Variants in MAX observed in about 807,000 individuals in gnomAD.
MAX encodes the protein MYC associated transcriptional regulator X.
A neutral mutation model predicts 22.3 loss-of-function variants in MAX; 3 were observed. The observed-to-expected ratio is 0.13, with a 90% CI of 0.06 to 0.35. The LOEUF is 0.35. MAX is among the 10% of genes least tolerant of loss of function. The pLI, the probability that MAX is intolerant of heterozygous loss-of-function variation, is 1.00. For synonymous variants in MAX, 72 were observed against 77.7 expected, an observed-to-expected ratio of 0.93 and a Z score of 0.39; for missense variants, 119 against 209.4, an observed-to-expected ratio of 0.57 and a Z score of 2.66.
chr14:65,056,816 A>G (rs530228482), intron 3 of MAX, among the ~76,000 whole-genome samples: 2 of 152,220 alleles, frequency 1.3e-5, no homozygotes, highest in African/African-American at 4.8e-5. Context: ...TTGCATTGCT[A>G]TAAGAGAATA....
Position 65,043,816 on chromosome 14 carries a change from G to A in MAX, c.172-37532C>T, listed in dbSNP as rs1200100489. 8.8e-5 allele frequency among the ~76,000 whole-genome samples: 10 copies of A among 113,372 alleles called. No homozygotes were observed. In the South Asian group the frequency reaches 1.0e-3, roughly 12 times the overall value. The allele number at this position is 113,372 out of a possible 152,430, so 74.4% of individuals were successfully genotyped here. A position where few individuals can be genotyped will look rare whatever the true frequency, so the allele number is the denominator to read the frequency against. ...CGCAGTCCGGCCTGGGCGACAGAGC[G>A]AGACTCCGTCTCAAAAAAAAAAAAA... is the stretch of plus-strand genomic sequence containing the variant. On this transcript the variant is annotated intron_variant, in intron 3 of 3. Transcript: ENST00000341653.
At chr14:65,017,966 TAAATA>T (rs1226338874) in intron 3 of MAX, among the ~76,000 whole-genome samples, 2 of 151,932 alleles carry the variant, frequency 1.3e-5, no homozygotes, top group African/African-American at 4.8e-5. Flanking sequence ...AAAAAATAAA[TAAATA>T]AAATACATAA....
rs909433010 is a variant in MAX at position 65,076,118 on chromosome 14, C to G, written c.*358G>C. On this transcript the variant is annotated 3_prime_UTR_variant, in exon 5 of 5. Transcript: ENST00000358664. This position sits in a 1 kb window ranked among gnomAD's most constrained non-coding sequence, Gnocchi z 6.6. ...AGGGCAGGCGTCCCCCGGGCATGTG[C>G]CCGGCAGGGCTGGAGGAGCTGGTAG... is the stretch of plus-strand genomic sequence containing the variant. 1.3e-5 allele frequency: 17 copies of G among 1,290,702 alleles called. No individual in the cohort carries two copies. In the Admixed American group the frequency reaches 4.1e-4, roughly 31 times the overall value. The allele number at this position is 1,290,702 out of a possible 1,614,324, so 80.0% of individuals were successfully genotyped here.
At chr14:65,024,831 C>T (rs1442955468) in intron 3 of MAX, among the ~76,000 whole-genome samples, 1 of 152,142 alleles carries the variant, frequency 6.6e-6, no homozygotes, top group Non-Finnish European at 1.5e-5. Context: ...GTTGCCCAGG[C>T]TGGTCTTGAA....
chr14:65,052,679 A>G (rs2062642722), intron 3 of MAX, among the ~76,000 whole-genome samples: 1 of 152,224 alleles, frequency 6.6e-6, no homozygotes, highest in African/African-American at 2.4e-5. Flanking sequence ...GCAGGAGGGC[A>G]GTTACTAGTA....
Position 65,009,123 on chromosome 14 carries a change from G to C in MAX, c.172-2839C>G, listed in dbSNP as rs1595008965. Among the ~76,000 whole-genome samples, 1 of 152,202 alleles carries C rather than the reference G, an allele frequency of 6.6e-6. No individual in the cohort carries two copies. Among genetic ancestry groups the C allele is most frequent in the Non-Finnish European group, 1.5e-5 (1 of 68,030 alleles). On this transcript the variant is annotated intron_variant, in intron 3 of 3. Coordinates refer to the MAX transcript ENST00000341653. The surrounding 1 kb of genome is among the most constrained non-coding windows in gnomAD (Gnocchi z 4.2). The stretch of plus-strand genomic sequence containing the variant: ...CTTTCTTAACTTCCTACACAGAAAA[G>C]ATTTTTGGATAGAGGTGAGTTGAGA...
chr14:65,082,019 T>G lies in MAX; in HGVS notation c.172-3983A>C, dbSNP rs945748290. 1 of 152,220 alleles carries G rather than the reference T, an allele frequency of 6.6e-6. No homozygotes were observed. Among genetic ancestry groups the G allele is most frequent in the African/African-American group, 2.4e-5 (1 of 41,458 alleles). The allele number at this position is 152,220 out of a possible 1,614,324, so 9.4% of individuals were successfully genotyped here. A position where few individuals can be genotyped will look rare whatever the true frequency, so the allele number is the denominator to read the frequency against. On this transcript the variant is annotated intron_variant, in intron 3 of 4. Coordinates refer to ENST00000358664, the MANE Select transcript of MAX (RefSeq NM_002382.5). The surrounding 1 kb of genome is among the most constrained non-coding windows in gnomAD (Gnocchi z 4.8). ...ATGGGGGTGGTAACAATGGCAGCAC[T>G]AACACTTACTGAGTACTTACTAAGT...
chr14:65,032,856 CTTCTT>C lies in MAX; in HGVS notation c.172-26577_172-26573del, dbSNP rs1471397904. Among the ~76,000 whole-genome samples the C allele has an allele frequency of 6.6e-6, 1 of 152,130 alleles. No homozygotes were observed. Among genetic ancestry groups the C allele is most frequent in the African/African-American group, 2.4e-5 (1 of 41,426 alleles). Reference sequence around the variant, plus strand: ...TGATTTTTTTAAATACTTAAAATGTCTTCTTTTTTCCAAACTTTCTTTAATGTTAT... The same window carrying C: ...TGATTTTTTTAAATACTTAAAATGTCTTTTCCAAACTTTCTTTAATGTTAT... On this transcript the variant is annotated intron_variant, in intron 3 of 3. Coordinates refer to the MAX transcript ENST00000341653. The surrounding 1 kb of genome is among the most constrained non-coding windows in gnomAD (Gnocchi z 5.0).
In MAX at chr14:65,032,467, A is replaced by G; in HGVS notation, c.172-26183T>C. 1.3e-6 allele frequency: 1 copy of G among 740,922 alleles called. No individual in the cohort carries two copies. Among genetic ancestry groups the G allele is most frequent in the Non-Finnish European group, 2.1e-6 (1 of 481,184 alleles). 45.9% of individuals were successfully genotyped at this position (740,922 alleles called of 1,614,324 possible). ...TGTCACACCTCTCAGTTGGAGACCCAGGAGGACTGACCGTGTGCCAAGAGT... is the reference window on the plus strand; with the variant it reads ...TGTCACACCTCTCAGTTGGAGACCCGGGAGGACTGACCGTGTGCCAAGAGT... On this transcript the variant is annotated intron_variant, in intron 3 of 3. Transcript: ENST00000341653. The surrounding 1 kb of genome is among the most constrained non-coding windows in gnomAD (Gnocchi z 5.0).
Position 65,075,797 on chromosome 14 carries a change from C to T in MAX, c.*679G>A, listed in dbSNP as rs921242081. The T allele has an allele frequency of 1.7e-5, 18 of 1,063,174 alleles. No individual in the cohort carries two copies. The highest frequency in any genetic ancestry group is 9.8e-5 in the African/African-American group (6 of 61,088). The allele number at this position is 1,063,174 out of a possible 1,614,324, so 65.9% of individuals were successfully genotyped here. A position where few individuals can be genotyped will look rare whatever the true frequency, so the allele number is the denominator to read the frequency against. On this transcript the variant is annotated 3_prime_UTR_variant, in exon 5 of 5. Transcript: ENST00000358664. The surrounding 1 kb of genome is among the most constrained non-coding windows in gnomAD (Gnocchi z 4.1). Reference sequence around the variant, plus strand: ...ACCACGAGAGTGTCACACGGCCCTCCGTGAGGCTGGCGCCGCAGGCTTAAA... The same window carrying T: ...ACCACGAGAGTGTCACACGGCCCTCTGTGAGGCTGGCGCCGCAGGCTTAAA...
Position 65,023,416 on chromosome 14 carries a change from A to T in MAX, c.172-17132T>A, listed in dbSNP as rs1397095544. Among the ~76,000 whole-genome samples the T allele has an allele frequency of 6.6e-6, 1 of 152,214 alleles. No individual in the cohort carries two copies. Among genetic ancestry groups the T allele is most frequent in the Non-Finnish European group, 1.5e-5 (1 of 68,028 alleles). On this transcript the variant is annotated intron_variant, in intron 3 of 3. Coordinates refer to the MAX transcript ENST00000341653. This position sits in a 1 kb window ranked among gnomAD's most constrained non-coding sequence, Gnocchi z 4.1. Reference sequence around the variant, plus strand: ...CCTAAGAGTCCCAAGTAAACTCCTTATAAGGCTGAGAGGCAATCGCTGATA... The same window carrying T: ...CCTAAGAGTCCCAAGTAAACTCCTTTTAAGGCTGAGAGGCAATCGCTGATA...
chr14:65,068,867 A>T (rs1242121111), intron 3 of MAX, among the ~76,000 whole-genome samples: 10 of 152,132 alleles, frequency 6.6e-5, no homozygotes, highest in African/African-American at 2.4e-4. Flanking sequence ...CGAGTGTGAG[A>T]CTTCATTGCT....
intron 3 of MAX, among the ~76,000 whole-genome samples, chr14:65,025,747 T>C (rs1257720409): frequency 6.6e-6 from 1 of 152,066 alleles, no homozygotes; most frequent in Non-Finnish European, 1.5e-5. Context: ...TCTGGGGAGG[T>C]TGAGGCTGCA....
intron 3 of MAX, among the ~76,000 whole-genome samples, chr14:65,043,558 C>T (rs962073800): frequency 2.0e-5 from 3 of 152,058 alleles, no homozygotes; most frequent in Non-Finnish European, 4.4e-5. Context: ...CACGGTGGCT[C>T]ACGCCTGTAA....
At position 65,093,634 on chromosome 14, in the gene MAX, G is replaced by T; in HGVS notation, c.171+74C>A. On this transcript the variant is annotated intron_variant, in intron 3 of 4. Coordinates refer to ENST00000358664, the MANE Select transcript of MAX (RefSeq NM_002382.5). The surrounding 1 kb of genome is among the most constrained non-coding windows in gnomAD (Gnocchi z 4.4). ...TGACTACATTTCCTTCCCAATAGGT[G>T]AGTGCTCTGCTAAGCTCTGCAACAA... The T allele has an allele frequency of 1.2e-6, 1 of 825,144 alleles. No homozygotes were observed. The highest frequency in any genetic ancestry group is 2.2e-6 in the Non-Finnish European group (1 of 461,766). The allele number at this position is 825,144 out of a possible 1,614,324, so 51.1% of individuals were successfully genotyped here.
chr14:65,040,738 G>T (rs374804342), intron 3 of MAX: 26 of 1,575,016 alleles, frequency 1.7e-5, no homozygotes, highest in Non-Finnish European at 2.2e-5. Flanking sequence ...TCCTGGTCTT[G>T]TGTACGTCCA....
chr14:65,040,253 A>G (rs536379099), intron 3 of MAX, among the ~76,000 whole-genome samples: 1 of 119,248 alleles, frequency 8.4e-6, no homozygotes, highest in South Asian at 2.4e-4. Flanking sequence ...ATCACTATAT[A>G]TATATGTATA....
rs1167107784 is a variant in MAX, at chr14:65,084,014, A to G, written c.172-5978T>C. On this transcript the variant is annotated intron_variant, in intron 3 of 4. Coordinates refer to ENST00000358664, the MANE Select transcript of MAX (RefSeq NM_002382.5). The surrounding 1 kb of genome is among the most constrained non-coding windows in gnomAD (Gnocchi z 4.3). ...GGAGGCTGGAAGGTTGTAAGGCCAG[A>G]GTCAGCACAGACCCATGGCTCCTTG... is the stretch of plus-strand genomic sequence containing the variant. The G allele has an allele frequency of 2.6e-6, 4 of 1,553,760 alleles. No individual in the cohort carries two copies. Among genetic ancestry groups the G allele is most frequent in the African/African-American group, 2.7e-5 (2 of 73,204 alleles).
intron 3 of MAX, among the ~76,000 whole-genome samples, chr14:65,037,205 G>C (rs2062212347): frequency 6.6e-6 from 1 of 151,020 alleles, no homozygotes; most frequent in African/African-American, 2.4e-5. Flanking sequence ...TCAGGTTCCA[G>C]CAATTCTCCT....
Sources: allele counts gnomAD v4.1 joint callset (sites outside exome capture counted in the v4.1 genomes callset), GRCh38; gene constraint gnomAD v4.1.1; non-coding constraint Gnocchi (gnomAD v3.1); transcripts MANE v1.5; gene names NCBI Gene and HGNC (gene_info 2026-07-23, HGNC 2026-07-21).